The following CACNA2D3 variants were observed in gnomAD, a reference collection of about 807,000 sequenced individuals.
CACNA2D3 encodes voltage-dependent calcium channel subunit alpha-2/delta-3.
CACNA2D3 carries 60 observed loss-of-function variants against 160.6 expected under a neutral mutation model. That is an observed-to-expected ratio of 0.37 (90% confidence interval 0.30 to 0.46). The LOEUF is 0.46. Among genes scored for constraint, CACNA2D3 ranks in the 20% least tolerant of loss-of-function variants. CACNA2D3 has a pLI of 1.00. For synonymous variants in CACNA2D3, 558 were observed against 492.9 expected (o/e 1.13, Z -1.75); for missense variants, 1,205 against 1,365.0 (o/e 0.88, Z 1.85).
chr3:54,538,259 A>G (rs145983922), intron 5 of CACNA2D3, among the ~76,000 whole-genome samples: 20 of 152,294 alleles, frequency 1.3e-4, no homozygotes, highest in African/African-American at 4.1e-4. Context: ...ATTGATGTGG[A>G]CATTAATCAA....
At chr3:54,262,897 A>T (rs1330815793) in intron 2 of CACNA2D3, among the ~76,000 whole-genome samples, 1 of 152,126 alleles carries the variant, frequency 6.6e-6, no homozygotes, top group Non-Finnish European at 1.5e-5. Flanking sequence ...TTTGCTTTAA[A>T]TTTTTACTAA....
At chr3:54,238,702 A>G (rs1302108222) in intron 2 of CACNA2D3, among the ~76,000 whole-genome samples, 1 of 152,186 alleles carries the variant, frequency 6.6e-6, no homozygotes, top group Non-Finnish European at 1.5e-5. Flanking sequence ...TAAATAATGT[A>G]AAAAAGAGGC....
At chr3:54,841,272 T>C (rs1314451351) in intron 16 of CACNA2D3, among the ~76,000 whole-genome samples, 1 of 152,232 alleles carries the variant, frequency 6.6e-6, no homozygotes, top group Non-Finnish European at 1.5e-5. Context: ...TTGAAATAAC[T>C]TTCTCAACAT....
chr3:54,379,366 A>C (rs1451266296), intron 3 of CACNA2D3, among the ~76,000 whole-genome samples: 1 of 152,248 alleles, frequency 6.6e-6, no homozygotes, highest in Non-Finnish European at 1.5e-5. Flanking sequence ...CAAAGAAATG[A>C]TCACCTTGAT....
At chr3:54,667,984 T>C (rs1052782675) in intron 11 of CACNA2D3, among the ~76,000 whole-genome samples, 1 of 151,952 alleles carries the variant, frequency 6.6e-6, no homozygotes, top group Non-Finnish European at 1.5e-5. Context: ...ATTTTTATAT[T>C]AGAATTTTAT....
At chr3:54,995,635 T>G (rs1702839411) in intron 31 of CACNA2D3, among the ~76,000 whole-genome samples, 1 of 152,190 alleles carries the variant, frequency 6.6e-6, no homozygotes, top group Non-Finnish European at 1.5e-5. Context: ...AATAAATGCT[T>G]TAAATAAGAT....
chr3:54,480,019 C>T (rs907153771), intron 4 of CACNA2D3, among the ~76,000 whole-genome samples: 2 of 152,072 alleles, frequency 1.3e-5, no homozygotes, highest in South Asian at 2.1e-4. Context: ...GGAAATTGCT[C>T]ATCCCCAAAC....
intron 27 of CACNA2D3, among the ~76,000 whole-genome samples, chr3:54,902,336 T>C (rs1035350974): frequency 2.0e-5 from 3 of 152,204 alleles, no homozygotes; most frequent in African/African-American, 7.2e-5. Context: ...TCTTTCTCTT[T>C]TGTGTGTTTT....
chr3:54,232,797 C>T (rs1423916568), intron 2 of CACNA2D3, among the ~76,000 whole-genome samples: 1 of 152,152 alleles, frequency 6.6e-6, no homozygotes, highest in East Asian at 1.9e-4. Flanking sequence ...TTAAATTATG[C>T]GATTAGAGTA....
intron 14 of CACNA2D3, among the ~76,000 whole-genome samples, chr3:54,825,824 CTA>C (rs1349332627): frequency 1.3e-5 from 2 of 152,046 alleles, no homozygotes; most frequent in Non-Finnish European, 2.9e-5. Context: ...TAAATGAAGT[CTA>C]TATCAAATCA....
At chr3:54,729,737 C>T (rs943018874) in intron 11 of CACNA2D3, among the ~76,000 whole-genome samples, 2 of 152,136 alleles carry the variant, frequency 1.3e-5, no homozygotes, top group Non-Finnish European at 2.9e-5. Context: ...TGGTGGCTCA[C>T]GCCTATAATC....
At chr3:54,189,459 C>T (rs1700941325) in intron 2 of CACNA2D3, among the ~76,000 whole-genome samples, 2 of 152,182 alleles carry the variant, frequency 1.3e-5, no homozygotes. Flanking sequence ...TCCTGTGGCT[C>T]TCCAGACAAG....
chr3:54,126,840 T>C (rs1178673303), intron 2 of CACNA2D3, among the ~76,000 whole-genome samples: 3 of 152,256 alleles, frequency 2.0e-5, no homozygotes, highest in Admixed American at 1.3e-4. Context: ...ATTAAGTTTC[T>C]GATTTGATAT....
At chr3:54,307,331 A>G (rs1450779304) in intron 2 of CACNA2D3, among the ~76,000 whole-genome samples, 1 of 152,120 alleles carries the variant, frequency 6.6e-6, no homozygotes, top group East Asian at 1.9e-4. Context: ...GAATACCCTC[A>G]TTTTTAGTAC....
intron 25 of CACNA2D3, among the ~76,000 whole-genome samples, chr3:54,893,766 C>T (rs967990374): frequency 6.9e-6 from 1 of 145,246 alleles, no homozygotes; most frequent in African/African-American, 2.6e-5. Flanking sequence ...GAAACTTGGC[C>T]GTCACCCCCA....
intron 4 of CACNA2D3, among the ~76,000 whole-genome samples, chr3:54,499,272 G>C (rs957234396): frequency 3.3e-5 from 5 of 152,074 alleles, no homozygotes; most frequent in African/African-American, 4.8e-5. Flanking sequence ...GGTTGCACCT[G>C]GATTCCTTGG....
intron 9 of CACNA2D3, among the ~76,000 whole-genome samples, chr3:54,599,873 G>A (rs1356453345): frequency 1.3e-5 from 2 of 152,172 alleles, no homozygotes; most frequent in South Asian, 2.1e-4. Flanking sequence ...CCAGGCACAC[G>A]GGCAGACCCT....
chr3:54,693,657 T>C (rs1248208100), intron 11 of CACNA2D3, among the ~76,000 whole-genome samples: 1 of 152,216 alleles, frequency 6.6e-6, no homozygotes, highest in Non-Finnish European at 1.5e-5. Flanking sequence ...TCCATGCCTG[T>C]TATTGCCCCT....
chr3:54,635,518 C>G (rs1699351633), intron 10 of CACNA2D3, among the ~76,000 whole-genome samples: 1 of 151,924 alleles, frequency 6.6e-6, no homozygotes, highest in African/African-American at 2.4e-5. Context: ...GGGGCACAGT[C>G]TAAGTTGGTC....
Sources: gnomAD v4.1 joint callset for allele counts (sites outside exome capture counted in the v4.1 genomes callset) on GRCh38, gnomAD v4.1.1 for gene constraint, MANE v1.5 for transcripts, NCBI Gene and HGNC (gene_info 2026-07-23, HGNC 2026-07-21) for gene names.